Variants in SLC26A4 observed in about 807,000 individuals in gnomAD.
The protein encoded by SLC26A4 is solute carrier family 26 member 4.
SLC26A4 carries 93 observed loss-of-function variants against 90.4 expected under a neutral mutation model. The ratio of observed to expected loss-of-function variants is 1.03; its 90% CI spans 0.87 to 1.22. The LOEUF (loss-of-function observed/expected upper bound fraction) is 1.22, where lower values mean the gene tolerates loss of function less well. Ranked by LOEUF, SLC26A4 falls within the 50% of genes most tolerant of loss-of-function variation. SLC26A4 has a pLI of 0.00. For missense variants in SLC26A4, 1,127 were observed against 946.2 expected, an observed-to-expected ratio of 1.19 and a Z score of -2.51; for synonymous variants, 393 against 354.6, an observed-to-expected ratio of 1.11 and a Z score of -1.22.
intron 8 of SLC26A4, 93 bp downstream of exon 8, chr7:107,683,630 A>C (rs994623159): frequency 1.1e-6 from 1 of 943,104 alleles, no homozygotes; most frequent in African/African-American, 1.6e-5. Flanking sequence ...GCTTCATTTC[A>C]CTGATACTCC....
intron 6 of SLC26A4, among the ~76,000 whole-genome samples, chr7:107,679,538 A>T (rs909409481): frequency 6.6e-6 from 1 of 152,036 alleles, no homozygotes; most frequent in Admixed American, 6.6e-5. Flanking sequence ...TTTCATAAAC[A>T]CAGGTAATCC....
chr7:107,679,268 C>T (rs1299823181), intron 6 of SLC26A4, among the ~76,000 whole-genome samples: 1 of 152,100 alleles, frequency 6.6e-6, no homozygotes, highest in Non-Finnish European at 1.5e-5. Context: ...GCTTTGAAAG[C>T]CACCACTAAG....
chr7:107,689,158 A>G lies in SLC26A4; in HGVS notation c.1107A>G (p.Lys369=). ...VAYAIAVSVG[K]VYATKYDYTI... is the part of the protein sequence containing the mutation. ...ATGCTATTGCAGTGTCAGTAGGAAA[A>G]GTATATGCCACCAAGTATGATTACA... is the stretch of plus-strand genomic sequence containing the variant. Residue 369 remains lysine (K), a synonymous_variant, in exon 9 of 21, where the codon AAA becomes AAG. Transcript: ENST00000644269. The G allele has an allele frequency of 6.2e-7, 1 of 1,613,908 alleles. No individual in the cohort carries two copies. Among genetic ancestry groups the G allele is most frequent in the Non-Finnish European group, 8.5e-7 (1 of 1,179,838 alleles).
intron 3 of SLC26A4, among the ~76,000 whole-genome samples, chr7:107,668,027 G>C (rs1790765219): frequency 6.6e-6 from 1 of 152,110 alleles, no homozygotes; most frequent in African/African-American, 2.4e-5. Context: ...CACACCCCCT[G>C]AGGAAATGTA....
intron 8 of SLC26A4, among the ~76,000 whole-genome samples, chr7:107,685,257 G>A (rs961902680): frequency 6.6e-6 from 1 of 152,136 alleles, no homozygotes; most frequent in African/African-American, 2.4e-5. Context: ...TTATAAACAA[G>A]CCACAACAAA....
chr7:107,694,109 C>A (rs955469578), intron 10 of SLC26A4, among the ~76,000 whole-genome samples: 1 of 152,138 alleles, frequency 6.6e-6, no homozygotes, highest in East Asian at 1.9e-4. Flanking sequence ...ACGCCGAAAC[C>A]GCAGGTGTGT....
chr7:107,667,138 A>G (rs1170558834), intron 3 of SLC26A4, among the ~76,000 whole-genome samples: 1 of 152,152 alleles, frequency 6.6e-6, no homozygotes, highest in African/African-American at 2.4e-5. Flanking sequence ...GGATATGCTA[A>G]GTTTGAGACA....
At chr7:107,710,585 A>G (rs1047949987) in intron 19 of SLC26A4, among the ~76,000 whole-genome samples, 1 of 152,226 alleles carries the variant, frequency 6.6e-6, no homozygotes, top group African/African-American at 2.4e-5. Flanking sequence ...TGAATTATAA[A>G]TGTCTTTAAA....
intron 6 of SLC26A4, among the ~76,000 whole-genome samples, chr7:107,678,798 T>C (rs1227211825): frequency 6.6e-6 from 1 of 151,868 alleles, no homozygotes; most frequent in Non-Finnish European, 1.5e-5. Flanking sequence ...AGCCGCTTAG[T>C]CTCTGAACAG....
intron 6 of SLC26A4, among the ~76,000 whole-genome samples, chr7:107,677,867 T>C (rs1328772908): frequency 6.6e-6 from 1 of 152,182 alleles, no homozygotes; most frequent in Non-Finnish European, 1.5e-5. Flanking sequence ...TCCTCTCACT[T>C]TGGCCTCCCA....
At chr7:107,696,848 A>G (rs1364405444) in intron 13 of SLC26A4, among the ~76,000 whole-genome samples, 2 of 152,288 alleles carry the variant, frequency 1.3e-5, no homozygotes, top group South Asian at 2.1e-4. Flanking sequence ...CAATGTGTCC[A>G]TCGTCTTTCC....
At chr7:107,681,548 G>A (rs1791229931) in intron 6 of SLC26A4, among the ~76,000 whole-genome samples, 1 of 150,152 alleles carries the variant, frequency 6.7e-6, no homozygotes, top group Non-Finnish European at 1.5e-5. Context: ...TATAAAATAT[G>A]TCTATAAAAA....
intron 18 of SLC26A4, among the ~76,000 whole-genome samples, chr7:107,707,519 A>T (rs1338979950): frequency 6.6e-6 from 1 of 152,218 alleles, no homozygotes; most frequent in African/African-American, 2.4e-5. Context: ...ACAAGACTTA[A>T]AGTGGCTATA....
At chr7:107,708,870 G>A in intron 18 of SLC26A4, among the ~76,000 whole-genome samples, 2 of 152,230 alleles carry the variant, frequency 1.3e-5, no homozygotes, top group Middle Eastern at 6.8e-3. Context: ...GAGCAAAGCT[G>A]GAGATTACTT....
At chr7:107,668,687 G>A (rs746200144) in intron 3 of SLC26A4, among the ~76,000 whole-genome samples, 2 of 152,180 alleles carry the variant, frequency 1.3e-5, no homozygotes, top group South Asian at 2.1e-4. Flanking sequence ...GGAGTCTGCT[G>A]TCTGCTTTCT....
chr7:107,714,859 A>G (rs1425547303), intron 20 of SLC26A4, among the ~76,000 whole-genome samples: 2 of 152,146 alleles, frequency 1.3e-5, no homozygotes, highest in East Asian at 3.8e-4. Context: ...TAAAGTAACA[A>G]GAGCAGTGCC....
rs1389157542 is a variant in SLC26A4, at chr7:107,661,810, C to T, written c.164+5C>T. ...GAGCCTGGCCAAGTGCTGCAGGTAG[C>T]GGCCGCGCGGGCCTGCGTAGAGAGA... On this transcript the variant is annotated splice_donor_5th_base_variant and intron_variant, in intron 2 of 20. Coordinates refer to ENST00000644269, the MANE Select transcript of SLC26A4 (RefSeq NM_000441.2). The surrounding 1 kb of genome is among the most constrained non-coding windows in gnomAD (Gnocchi z 5.1). 6.5e-7 allele frequency: 1 copy of T among 1,534,812 alleles called. No homozygotes were observed. The highest frequency in any genetic ancestry group is 2.0e-5 in the Admixed American group (1 of 50,918).
chr7:107,674,015 G>A lies in SLC26A4; in HGVS notation c.416-149G>A. 5 of 783,616 alleles carry A rather than the reference G, an allele frequency of 6.4e-6. No individual in the cohort carries two copies. In the South Asian group the frequency reaches 7.7e-5, roughly 12 times the overall value. 48.5% of individuals were successfully genotyped at this position (783,616 alleles called of 1,614,324 possible). A position where few individuals can be genotyped will look rare whatever the true frequency, so the allele number is the denominator to read the frequency against. On this transcript the variant is annotated intron_variant, in intron 4 of 20. Coordinates refer to ENST00000644269, the MANE Select transcript of SLC26A4 (RefSeq NM_000441.2). ...CAAAGTGCTGCGGTTACAGATGTGAGCCACTGGGTCCGGCTCAGCTTCTTT... is the reference window on the plus strand; with the variant it reads ...CAAAGTGCTGCGGTTACAGATGTGAACCACTGGGTCCGGCTCAGCTTCTTT...
intron 6 of SLC26A4, among the ~76,000 whole-genome samples, chr7:107,680,175 ATTATATAATATAATCTTAT>A: frequency 8.1e-6 from 1 of 122,950 alleles, no homozygotes; most frequent in Non-Finnish European, 1.6e-5. Flanking sequence ...ATCTTATCTT[ATTATATAATATAATCTTAT>A]CTTATTATAT....
Sources: allele counts gnomAD v4.1 joint callset (sites outside exome capture counted in the v4.1 genomes callset), GRCh38; gene constraint gnomAD v4.1.1; non-coding constraint Gnocchi (gnomAD v3.1); transcripts MANE v1.5; gene names NCBI Gene and HGNC (gene_info 2026-07-23, HGNC 2026-07-21).